ATRNL1: variants seen among roughly 807,000 people sequenced by gnomAD.
The protein encoded by ATRNL1 is attractin-like protein 1.
In ATRNL1, 95 loss-of-function variants were observed where a neutral mutation model predicts 182.7. The ratio of observed to expected loss-of-function variants is 0.52; its 90% CI spans 0.44 to 0.62. The LOEUF (loss-of-function observed/expected upper bound fraction) is 0.62, where lower values mean the gene tolerates loss of function less well. Among genes scored for constraint, ATRNL1 ranks in the 20% least tolerant of loss-of-function variants. The probability of loss-of-function intolerance (pLI) is 0.00; values close to 1 mark genes in which losing one functional copy is unlikely to be tolerated. For missense variants in ATRNL1, 1,471 were observed against 1,679.5 expected, an observed-to-expected ratio of 0.88 and a Z score of 2.17; for synonymous variants, 576 against 568.3, an observed-to-expected ratio of 1.01 and a Z score of -0.19.
At chr10:115,712,683 A>G (rs1017902134) in intron 26 of ATRNL1, among the ~76,000 whole-genome samples, 9 of 152,102 alleles carry the variant, frequency 5.9e-5, no homozygotes, top group African/African-American at 1.9e-4. Context: ...CCTGGCCAAC[A>G]TGGTGCAAAC....
chr10:115,505,609 T>G (rs543122695), intron 24 of ATRNL1, among the ~76,000 whole-genome samples: 2 of 151,820 alleles, frequency 1.3e-5, no homozygotes, highest in East Asian at 3.9e-4. Context: ...GTCCCACATG[T>G]AGTAGATGGT....
chr10:115,099,246 T>C (rs1271766421), intron 1 of ATRNL1, among the ~76,000 whole-genome samples: 1 of 152,338 alleles, frequency 6.6e-6, no homozygotes, highest in African/African-American at 2.4e-5. Flanking sequence ...TTGAGATTCA[T>C]TCATGGTGTG....
At chr10:115,808,671 CACACA>C in intron 27 of ATRNL1, among the ~76,000 whole-genome samples, 1 of 152,154 alleles carries the variant, frequency 6.6e-6, no homozygotes, top group East Asian at 1.9e-4. Context: ...TCAGTTGCTC[CACACA>C]CCATTAATTC....
At chr10:115,315,330 G>T (rs1482488055) in intron 17 of ATRNL1, among the ~76,000 whole-genome samples, 188 bp from the exon 18 acceptor site, 1 of 151,892 alleles carries the variant, frequency 6.6e-6, no homozygotes, top group Non-Finnish European at 1.5e-5. Context: ...TCTCCTCTTT[G>T]TTTGTGATGT....
chr10:115,229,419 A>G (rs536924903), intron 9 of ATRNL1, among the ~76,000 whole-genome samples: 6 of 152,100 alleles, frequency 3.9e-5, no homozygotes, highest in African/African-American at 1.4e-4. Context: ...GAACATCAGC[A>G]TTTTTCTTTC....
intron 19 of ATRNL1, among the ~76,000 whole-genome samples, chr10:115,391,331 A>G (rs1448631453): frequency 6.6e-6 from 1 of 152,124 alleles, no homozygotes; most frequent in African/African-American, 2.4e-5. Flanking sequence ...TGTGGAATAT[A>G]TGACCTTTAT....
intron 19 of ATRNL1, among the ~76,000 whole-genome samples, chr10:115,394,107 TAAC>T (rs1844170267): frequency 6.6e-6 from 1 of 152,034 alleles, no homozygotes; most frequent in Non-Finnish European, 1.5e-5. Context: ...CCAGTAGTAA[TAAC>T]AGTGGAAGTA....
In ATRNL1 at chr10:115,281,351, G is replaced by C. The variant is rs1852352421; in HGVS notation, c.2101-4G>C. On this transcript the variant is annotated splice_region_variant and splice_polypyrimidine_tract_variant and intron_variant, in intron 13 of 28. Transcript: ENST00000355044. ...AAAAATAACATGCTCTTTTAATTTTGTAGTCTGTCAAGAACTACACCAAAT... is the reference window on the plus strand; with the variant it reads ...AAAAATAACATGCTCTTTTAATTTTCTAGTCTGTCAAGAACTACACCAAAT... The C allele has an allele frequency of 6.2e-7, 1 of 1,607,058 alleles. No homozygotes were observed. Among genetic ancestry groups the C allele is most frequent in the Non-Finnish European group, 8.5e-7 (1 of 1,176,988 alleles).
rs1554866395 is a variant in ATRNL1, at chr10:115,107,627, A to G, written c.294-12558A>G. ...GAGGCAGCCCTGCTCCCATGGCCCT[A>G]TTAGGCATTGCTCTAGCAAGTACTT... On this transcript the variant is annotated intron_variant, in intron 1 of 28. Transcript: ENST00000355044. 2.6e-5 allele frequency among the ~76,000 whole-genome samples: 4 copies of G among 152,302 alleles called. No individual in the cohort carries two copies. In the South Asian group the frequency reaches 8.3e-4, roughly 32 times the overall value.
At chr10:115,709,888 G>A (rs999204742) in intron 26 of ATRNL1, among the ~76,000 whole-genome samples, 1 of 151,946 alleles carries the variant, frequency 6.6e-6, no homozygotes, top group Non-Finnish European at 1.5e-5. Context: ...CTTGACAACT[G>A]ATTGAACACT....
intron 26 of ATRNL1, among the ~76,000 whole-genome samples, chr10:115,624,801 G>C (rs1032007281): frequency 3.7e-4 from 56 of 152,150 alleles, no homozygotes; most frequent in African/African-American, 1.3e-3. Flanking sequence ...AAAATAATTA[G>C]GGGGTGATAA....
At chr10:115,221,694 A>G (rs1318447919) in intron 9 of ATRNL1, among the ~76,000 whole-genome samples, 1 of 152,162 alleles carries the variant, frequency 6.6e-6, no homozygotes, top group Non-Finnish European at 1.5e-5. Context: ...CAGAGGAACA[A>G]AATTAGATAT....
chr10:115,921,247 G>C (rs925027016), intron 28 of ATRNL1, among the ~76,000 whole-genome samples: 1 of 152,254 alleles, frequency 6.6e-6, no homozygotes, highest in African/African-American at 2.4e-5. Flanking sequence ...AAAAGAGACA[G>C]AGGAAGAATA....
chr10:115,325,048 A>G (rs1470279670), intron 18 of ATRNL1, among the ~76,000 whole-genome samples: 1 of 152,188 alleles, frequency 6.6e-6, no homozygotes, highest in Non-Finnish European at 1.5e-5. Context: ...TGTCACAAAG[A>G]TATTTTTAAA....
chr10:115,874,815 C>G (rs1196336868), intron 28 of ATRNL1, among the ~76,000 whole-genome samples: 8 of 152,074 alleles, frequency 5.3e-5, no homozygotes, highest in Non-Finnish European at 7.4e-5. Flanking sequence ...TAAGAAAGAT[C>G]GAAAATGCCA....
At chr10:115,527,405 G>A (rs1051820629) in intron 25 of ATRNL1, among the ~76,000 whole-genome samples, 1 of 152,158 alleles carries the variant, frequency 6.6e-6, no homozygotes, top group African/African-American at 2.4e-5. Flanking sequence ...ACAGGCATGA[G>A]CCACTGTCCC....
intron 28 of ATRNL1, among the ~76,000 whole-genome samples, chr10:115,872,109 A>G (rs1432233282): frequency 1.3e-5 from 2 of 152,222 alleles, no homozygotes; most frequent in Non-Finnish European, 2.9e-5. Flanking sequence ...GTTATCATCT[A>G]TGGTTAAATC....
intron 19 of ATRNL1, among the ~76,000 whole-genome samples, chr10:115,380,382 A>G (rs1476979502): frequency 2.6e-5 from 4 of 152,204 alleles, no homozygotes; most frequent in African/African-American, 9.6e-5. Context: ...CATTTAAAAA[A>G]TTACAATTTG....
At chr10:115,383,079 T>C (rs569395544) in intron 19 of ATRNL1, among the ~76,000 whole-genome samples, 1 of 151,586 alleles carries the variant, frequency 6.6e-6, no homozygotes, top group Non-Finnish European at 1.5e-5. Context: ...TTCAAAATAA[T>C]TTTTCTGTAT....
Sources: gnomAD v4.1 joint callset for allele counts (sites outside exome capture counted in the v4.1 genomes callset) on GRCh38, gnomAD v4.1.1 for gene constraint, MANE v1.5 for transcripts, NCBI Gene and HGNC (gene_info 2026-07-23, HGNC 2026-07-21) for gene names.